The following SNX24 variants were observed in gnomAD, a reference collection of about 807,000 sequenced individuals.
SNX24 encodes sorting nexin-24.
SNX24 carries 22 observed loss-of-function variants against 28.7 expected under a neutral mutation model. The observed-to-expected ratio is 0.77, with a 90% confidence interval of 0.55 to 1.10. The LOEUF (loss-of-function observed/expected upper bound fraction) is 1.10. Among genes scored for constraint, SNX24 ranks in the 50% least tolerant of loss-of-function variants. The probability of loss-of-function intolerance (pLI) is 0.00; values close to 1 mark genes in which losing one functional copy is unlikely to be tolerated. For synonymous variants in SNX24, 69 were observed against 71.5 expected (o/e 0.96, Z 0.18); for missense variants, 221 against 201.1 (o/e 1.10, Z -0.60).
chr5:122,849,185 T>C (rs1754785848), intron 1 of SNX24, among the ~76,000 whole-genome samples: 2 of 152,232 alleles, frequency 1.3e-5, no homozygotes, highest in Non-Finnish European at 2.9e-5. Flanking sequence ...ATTCAAGAAG[T>C]TTATACAAAT....
At chr5:123,013,321 G>T (rs1439678303), downstream of SNX24, among the ~76,000 whole-genome samples, 2 of 152,200 alleles carry the variant, frequency 1.3e-5, no homozygotes, top group Admixed American at 1.3e-4. Context: ...CCATCTTAAT[G>T]AATTGGACAT....
At chr5:122,991,977 T>TTGGGAAAGA (rs1761870938) in intron 3 of SNX24, among the ~76,000 whole-genome samples, 1 of 152,134 alleles carries the variant, frequency 6.6e-6, no homozygotes, top group Non-Finnish European at 1.5e-5. Context: ...TAGAAAAATA[T>TTGGGAAAGA]TGGGAAAGAT....
chr5:122,965,186 C>T (rs1318334311), intron 3 of SNX24, among the ~76,000 whole-genome samples: 1 of 152,164 alleles, frequency 6.6e-6, no homozygotes, highest in African/African-American at 2.4e-5. Flanking sequence ...ATTCCCAAGC[C>T]TGGTTAATTA....
At chr5:122,866,695 C>G (rs911068452) in intron 1 of SNX24, among the ~76,000 whole-genome samples, 1 of 152,104 alleles carries the variant, frequency 6.6e-6, no homozygotes, top group Non-Finnish European at 1.5e-5. Flanking sequence ...AGATCCTTAC[C>G]TCTGTTGTGG....
At chr5:122,983,639 TG>T (rs1561694251) in intron 3 of SNX24, among the ~76,000 whole-genome samples, 1 of 152,202 alleles carries the variant, frequency 6.6e-6, no homozygotes, top group Non-Finnish European at 1.5e-5. Flanking sequence ...GGTCTCATCT[TG>T]TTGCCCTGGC....
At chr5:122,997,493 A>G (rs894899435) in intron 3 of SNX24, among the ~76,000 whole-genome samples, 1 of 152,194 alleles carries the variant, frequency 6.6e-6, no homozygotes, top group Non-Finnish European at 1.5e-5. Flanking sequence ...GTTGCAGTGT[A>G]AATAGCTTTT....
chr5:122,948,924 A>T (rs1759811855), intron 3 of SNX24, among the ~76,000 whole-genome samples: 2 of 152,198 alleles, frequency 1.3e-5, no homozygotes, highest in South Asian at 4.1e-4. Context: ...ATAATCATAA[A>T]CTATTACTGC....
At chr5:122,933,536 G>T (rs888488155) in intron 1 of SNX24, among the ~76,000 whole-genome samples, 1 of 152,178 alleles carries the variant, frequency 6.6e-6, no homozygotes, top group Non-Finnish European at 1.5e-5. Flanking sequence ...GGTAATAGTA[G>T]GTATGGCCTT....
chr5:122,879,393 A>G (rs527434916), intron 1 of SNX24, among the ~76,000 whole-genome samples: 6 of 152,342 alleles, frequency 3.9e-5, no homozygotes, highest in East Asian at 3.9e-4. Flanking sequence ...TCGAGAATAC[A>G]GTCTCACTAT....
chr5:122,969,535 C>G (rs30051), intron 3 of SNX24, among the ~76,000 whole-genome samples: 117,039 of 152,144 alleles, frequency 0.77, 45,896 homozygotes, highest in East Asian at 0.99. Context: ...CCGACCCTTG[C>G]AGGATTCAGG....
chr5:123,017,837 C>A (rs1762705710), intron 5 of SNX24, among the ~76,000 whole-genome samples: 1 of 152,116 alleles, frequency 6.6e-6, no homozygotes, highest in African/African-American at 2.4e-5. Context: ...CCTCCCCAGC[C>A]TCATGGAACT....
intron 3 of SNX24, among the ~76,000 whole-genome samples, chr5:122,967,461 G>A (rs1760759076): frequency 6.6e-6 from 1 of 152,118 alleles, no homozygotes; most frequent in Admixed American, 6.6e-5. Context: ...GTACCTGAGG[G>A]GCAGCACGTG....
intron 3 of SNX24, among the ~76,000 whole-genome samples, chr5:122,998,894 A>G (rs547116732): frequency 2.6e-5 from 4 of 152,284 alleles, no homozygotes; most frequent in African/African-American, 9.6e-5. Flanking sequence ...TGTGAGTGAT[A>G]TTTCACCACT....
At chr5:122,930,006 C>T (rs1435626015) in intron 1 of SNX24, among the ~76,000 whole-genome samples, 1 of 152,040 alleles carries the variant, frequency 6.6e-6, no homozygotes, top group Non-Finnish European at 1.5e-5. Context: ...ACATGGAATT[C>T]TGCATTAAAG....
chr5:122,852,110 C>CTATCTATATCTATATCTA (rs375519224), intron 1 of SNX24, among the ~76,000 whole-genome samples: 8 of 149,930 alleles, frequency 5.3e-5, no homozygotes, highest in African/African-American at 2.0e-4. Flanking sequence ...ACACACATAT[C>CTATCTATATCTATATCTA]TATCTATATC....
At chr5:122,858,071 A>C (rs1029239271) in intron 1 of SNX24, among the ~76,000 whole-genome samples, 7 of 152,058 alleles carry the variant, frequency 4.6e-5, no homozygotes, top group Non-Finnish European at 1.0e-4. Context: ...CCTTTTCTTT[A>C]TTTAGTCTTC....
intron 3 of SNX24, among the ~76,000 whole-genome samples, chr5:122,964,215 C>G (rs1468986410): frequency 7.0e-6 from 1 of 143,822 alleles, no homozygotes; most frequent in Non-Finnish European, 1.5e-5. Context: ...TGCACTCCCT[C>G]CAGCCTGGGC....
At chr5:123,003,669 G>A (rs1228183855) in intron 6 of SNX24, among the ~76,000 whole-genome samples, 1 of 152,212 alleles carries the variant, frequency 6.6e-6, no homozygotes, top group East Asian at 1.9e-4. Flanking sequence ...AGCTTATTGA[G>A]CAGTGCCTAC....
intron 1 of SNX24, among the ~76,000 whole-genome samples, chr5:122,911,324 T>C (rs1287198080): frequency 6.6e-6 from 1 of 152,224 alleles, no homozygotes; most frequent in Admixed American, 6.5e-5. Context: ...TTGTTTGTTT[T>C]TTTCTTGTAA....
Sources: allele counts gnomAD v4.1 joint callset (sites outside exome capture counted in the v4.1 genomes callset), GRCh38; gene constraint gnomAD v4.1.1; transcripts MANE v1.5; gene names NCBI Gene and HGNC (gene_info 2026-07-23, HGNC 2026-07-21).